Variants in ST6GALNAC5 observed in about 807,000 individuals in gnomAD.
ST6GALNAC5 encodes the protein alpha-N-acetylgalactosaminide alpha-2,6-sialyltransferase 5.
Under a neutral mutation model 33.6 loss-of-function variants are expected in ST6GALNAC5, and 27 were observed. The observed-to-expected ratio is 0.80, with a 90% confidence interval of 0.59 to 1.11. The LOEUF is 1.11. Among genes scored for constraint, ST6GALNAC5 ranks in the 50% least tolerant of loss-of-function variants. The pLI is 0.00. For missense variants in ST6GALNAC5, 428 were observed against 454.0 expected (o/e 0.94, Z 0.52); for synonymous variants, 194 against 171.2 (o/e 1.13, Z -1.04).
intron 2 of ST6GALNAC5, among the ~76,000 whole-genome samples, chr1:76,976,274 A>G (rs1249531406): frequency 6.6e-6 from 1 of 152,086 alleles, no homozygotes; most frequent in African/African-American, 2.4e-5. Flanking sequence ...TATTTAATGT[A>G]TTTTTCTCCA....
At chr1:76,869,319 T>C (rs1022410203) in intron 2 of ST6GALNAC5, among the ~76,000 whole-genome samples, 5 of 152,218 alleles carry the variant, frequency 3.3e-5, no homozygotes, top group Non-Finnish European at 5.9e-5. Flanking sequence ...AAACTCATCA[T>C]TGTGAGCCTG....
chr1:76,923,509 A>G (rs1295503454), intron 2 of ST6GALNAC5, among the ~76,000 whole-genome samples: 2 of 152,098 alleles, frequency 1.3e-5, no homozygotes, highest in South Asian at 2.1e-4. Context: ...CCTGGCCAAC[A>G]TGGTGAAACC....
chr1:76,936,953 G>GGTGTGTGTGT (rs34309736), intron 2 of ST6GALNAC5, among the ~76,000 whole-genome samples: 64 of 140,042 alleles, frequency 4.6e-4, no homozygotes, highest in African/African-American at 1.5e-3. Flanking sequence ...AGAGAAGCAG[G>GGTGTGTGTGT]GTGTGTGTGT....
chr1:76,911,687 G>A (rs1438525992), intron 2 of ST6GALNAC5, among the ~76,000 whole-genome samples: 1 of 152,124 alleles, frequency 6.6e-6, no homozygotes, highest in Non-Finnish European at 1.5e-5. Flanking sequence ...GGTATGTGTT[G>A]AGGAATTTAT....
At chr1:76,923,514 G>A (rs1039621448) in intron 2 of ST6GALNAC5, among the ~76,000 whole-genome samples, 5 of 152,038 alleles carry the variant, frequency 3.3e-5, no homozygotes, top group African/African-American at 1.2e-4. Flanking sequence ...CCAACATGGT[G>A]AAACCCCGTC....
chr1:76,899,759 A>G (rs749132401), intron 2 of ST6GALNAC5, among the ~76,000 whole-genome samples: 3 of 152,316 alleles, frequency 2.0e-5, no homozygotes, highest in East Asian at 3.9e-4. Flanking sequence ...TGTGGCGCCA[A>G]GATTGAAAGA....
At chr1:77,001,528 T>C (rs1382706300) in intron 2 of ST6GALNAC5, among the ~76,000 whole-genome samples, 3 of 146,584 alleles carry the variant, frequency 2.0e-5, no homozygotes, top group Non-Finnish European at 4.5e-5. Context: ...TCCAACACTA[T>C]GTTGAATAGG....
At chr1:76,973,476 A>G (rs1648848243) in intron 2 of ST6GALNAC5, among the ~76,000 whole-genome samples, 1 of 151,934 alleles carries the variant, frequency 6.6e-6, no homozygotes, top group African/African-American at 2.4e-5. Context: ...CATCTACCTT[A>G]TGAAGGTTAA....
intron 2 of ST6GALNAC5, among the ~76,000 whole-genome samples, chr1:77,013,969 A>T (rs112769409): frequency 1.3e-5 from 2 of 152,232 alleles, no homozygotes; most frequent in African/African-American, 4.8e-5. Context: ...GGGTAAAGTC[A>T]TAAGTAAAGG....
rs563579246 is a variant in ST6GALNAC5, at chr1:76,939,783, G to C, written c.261+71041G>C. Among the ~76,000 whole-genome samples, 15 of 152,192 alleles carry C rather than the reference G, an allele frequency of 9.9e-5. 1 individual carries two copies. The South Asian group carries it at 1.7e-3, about 17-fold the overall frequency. On this transcript the variant is annotated intron_variant, in intron 2 of 4. Coordinates refer to ENST00000477717, the MANE Select transcript of ST6GALNAC5 (RefSeq NM_030965.3). Reference sequence around the variant, plus strand: ...CAGGCACTGTGCTAGGCACTTGAGAGACAGAATACAGCAAGACAAACATAG... The same window carrying C: ...CAGGCACTGTGCTAGGCACTTGAGACACAGAATACAGCAAGACAAACATAG...
At chr1:76,963,470 C>A (rs1485296167) in intron 2 of ST6GALNAC5, among the ~76,000 whole-genome samples, 1 of 152,134 alleles carries the variant, frequency 6.6e-6, no homozygotes, top group Non-Finnish European at 1.5e-5. Context: ...ATAAATGGGA[C>A]TGAGCAACAT....
chr1:77,008,967 G>C (rs1650529386), intron 2 of ST6GALNAC5, among the ~76,000 whole-genome samples: 1 of 152,190 alleles, frequency 6.6e-6, no homozygotes, highest in Non-Finnish European at 1.5e-5. Flanking sequence ...ACCAATCCTA[G>C]CTGAGAAAAA....
chr1:76,918,616 C>CA (rs5775368), intron 2 of ST6GALNAC5, among the ~76,000 whole-genome samples: 40,774 of 76,310 alleles, frequency 0.53, 10,101 homozygotes, highest in South Asian at 0.59. Flanking sequence ...GACTCCATCT[C>CA]AAAAAAAAAA....
chr1:76,979,956 A>G (rs1362972785), intron 2 of ST6GALNAC5, among the ~76,000 whole-genome samples: 1 of 152,150 alleles, frequency 6.6e-6, no homozygotes, highest in Non-Finnish European at 1.5e-5. Flanking sequence ...AAAAGACTGT[A>G]ATGTAAGACC....
At chr1:76,885,558 G>A (rs1170599627) in intron 2 of ST6GALNAC5, among the ~76,000 whole-genome samples, 1 of 152,170 alleles carries the variant, frequency 6.6e-6, no homozygotes, top group Non-Finnish European at 1.5e-5. Context: ...GTTTAAAGGA[G>A]GGGATGGCTT....
At chr1:76,953,650 C>G (rs550076893) in intron 2 of ST6GALNAC5, among the ~76,000 whole-genome samples, 2 of 152,188 alleles carry the variant, frequency 1.3e-5, no homozygotes, top group African/African-American at 2.4e-5. Flanking sequence ...TTAAAAGAGT[C>G]TTTTGCAGCA....
chr1:77,019,864 T>C (rs1650986487), intron 2 of ST6GALNAC5, among the ~76,000 whole-genome samples: 1 of 152,214 alleles, frequency 6.6e-6, no homozygotes, highest in Admixed American at 6.5e-5. Flanking sequence ...GTCTGTCTGA[T>C]GGTTCATTTC....
At chr1:77,004,301 G>A (rs1650298047) in intron 2 of ST6GALNAC5, among the ~76,000 whole-genome samples, 1 of 149,342 alleles carries the variant, frequency 6.7e-6, no homozygotes, top group African/African-American at 2.4e-5. Context: ...TGAGGCTTCT[G>A]CATTCTTCAC....
chr1:76,894,948 T>C (rs1654093591), intron 2 of ST6GALNAC5, among the ~76,000 whole-genome samples: 2 of 151,818 alleles, frequency 1.3e-5, no homozygotes, highest in South Asian at 4.2e-4. Context: ...TTTTATAGGA[T>C]TTGGGTAGAT....
Sources: gnomAD v4.1 joint callset for allele counts (sites outside exome capture counted in the v4.1 genomes callset) on GRCh38, gnomAD v4.1.1 for gene constraint, MANE v1.5 for transcripts, NCBI Gene and HGNC (gene_info 2026-07-23, HGNC 2026-07-21) for gene names.